Variants in SH3BGRL2 observed in about 807,000 individuals in gnomAD.
The protein encoded by SH3BGRL2 is SH3 domain-binding glutamic acid-rich-like protein 2.
Under a neutral mutation model 14.8 loss-of-function variants are expected in SH3BGRL2, and 21 were observed. The ratio of observed to expected loss-of-function variants is 1.42; its 90% confidence interval spans 1.01 to 2.05. SH3BGRL2 has a LOEUF of 2.05. SH3BGRL2 is among the 30% of genes most tolerant of loss of function. The pLI is 0.00. For missense variants in SH3BGRL2, 147 were observed against 130.8 expected (o/e 1.12, Z -0.61); for synonymous variants, 50 against 47.8 (o/e 1.05, Z -0.19).
chr6:79,540,692 C>A, the SH3BGRL2 span, among the ~76,000 whole-genome samples: 2 of 151,910 alleles, frequency 1.3e-5, no homozygotes, highest in Admixed American at 6.6e-5. Context: ...TATATACTTA[C>A]AACATAATGC....
the SH3BGRL2 span, among the ~76,000 whole-genome samples, chr6:79,571,742 G>A: frequency 6.6e-6 from 1 of 152,062 alleles, no homozygotes; most frequent in South Asian, 2.1e-4. Flanking sequence ...GTATAAAATT[G>A]TACTATATAC....
At chr6:79,615,896 A>C in the SH3BGRL2 span, among the ~76,000 whole-genome samples, 1 of 139,136 alleles carries the variant, frequency 7.2e-6, no homozygotes, top group Non-Finnish European at 1.5e-5. Context: ...GCAATGGTGC[A>C]ATCTCCGCCT....
chr6:79,692,661 G>A (rs1220882364), intron 2 of SH3BGRL2, among the ~76,000 whole-genome samples: 3 of 152,134 alleles, frequency 2.0e-5, no homozygotes, highest in African/African-American at 7.2e-5. Context: ...AAGATCAGAT[G>A]GTTGTAGATA....
chr6:79,571,092 C>A, the SH3BGRL2 span, among the ~76,000 whole-genome samples: 1 of 152,098 alleles, frequency 6.6e-6, no homozygotes, highest in Non-Finnish European at 1.5e-5. Flanking sequence ...AAAAAAGATG[C>A]TTTGTTAGTT....
chr6:79,672,028 G>T (rs1769784935), intron 1 of SH3BGRL2, among the ~76,000 whole-genome samples: 1 of 151,936 alleles, frequency 6.6e-6, no homozygotes, highest in Non-Finnish European at 1.5e-5. Context: ...TTAATCATCT[G>T]CCCTTTCTTA....
At chr6:79,648,255 C>CATATATATATATATATATATATATAT (rs60702112) in intron 1 of SH3BGRL2, among the ~76,000 whole-genome samples, 1 of 62,472 alleles carries the variant, frequency 1.6e-5, no homozygotes, top group Non-Finnish European at 2.9e-5. Context: ...ATTCTTTTGG[C>CATATATATATATATATATATATATAT]ATATATATAT....
chr6:79,681,656 A>G (rs1184093123), intron 2 of SH3BGRL2, among the ~76,000 whole-genome samples: 1 of 152,220 alleles, frequency 6.6e-6, no homozygotes, highest in African/African-American at 2.4e-5. Flanking sequence ...GCCCAAGCAC[A>G]ACTAAGTATA....
At chr6:79,584,688 A>G in the SH3BGRL2 span, among the ~76,000 whole-genome samples, 14 of 152,226 alleles carry the variant, frequency 9.2e-5, no homozygotes, top group Non-Finnish European at 1.9e-4. Flanking sequence ...GATCACATCA[A>G]ATTATCCGGA....
In SH3BGRL2 at chr6:79,631,511, G is replaced by A. The variant is rs1768823407; in HGVS notation, c.45+5G>A. ...TCTTCCTCGGGCTTCGTGGCGGTGAGCGCGGTGGGGGCGGGCAGTAGGTTG... is the reference window on the plus strand; with the variant it reads ...TCTTCCTCGGGCTTCGTGGCGGTGAACGCGGTGGGGGCGGGCAGTAGGTTG... On this transcript the variant is annotated splice_donor_5th_base_variant and intron_variant, in intron 1 of 3. Transcript: ENST00000369838. The A allele has an allele frequency of 4.1e-6, 6 of 1,465,234 alleles. No homozygotes were observed. In the South Asian group the frequency reaches 8.7e-5, roughly 21 times the overall value. 90.8% of individuals were successfully genotyped at this position (1,465,234 alleles called of 1,614,324 possible). A position where few individuals can be genotyped will look rare whatever the true frequency, so the allele number is the denominator to read the frequency against.
chr6:79,542,268 A>G, the SH3BGRL2 span, among the ~76,000 whole-genome samples: 1 of 128,334 alleles, frequency 7.8e-6, no homozygotes, highest in African/African-American at 2.8e-5. Flanking sequence ...TCTATATCCT[A>G]CTTTTTTTTT....
chr6:79,580,397 G>A, the SH3BGRL2 span, among the ~76,000 whole-genome samples: 5 of 152,158 alleles, frequency 3.3e-5, no homozygotes, highest in Non-Finnish European at 7.4e-5. Context: ...TGGAAGTAAA[G>A]CACTCCTCAG....
intron 2 of SH3BGRL2, among the ~76,000 whole-genome samples, chr6:79,683,600 CA>C (rs1269085266): frequency 4.6e-5 from 7 of 152,110 alleles, no homozygotes; most frequent in Non-Finnish European, 8.8e-5. Flanking sequence ...AGGCGCATGC[CA>C]CCATGCCTGG....
chr6:79,557,206 A>T, the SH3BGRL2 span, among the ~76,000 whole-genome samples: 1 of 151,842 alleles, frequency 6.6e-6, no homozygotes, highest in African/African-American at 2.4e-5. Flanking sequence ...AAAAATAAAA[A>T]TTTTTTACTT....
chr6:79,638,824 GTATATTTTCAATA>G (rs1768976994), intron 1 of SH3BGRL2, among the ~76,000 whole-genome samples: 1 of 151,982 alleles, frequency 6.6e-6, no homozygotes, highest in African/African-American at 2.4e-5. Context: ...TGGGTTCCTT[GTATATTTTCAATA>G]TTAATCTCCT....
chr6:79,546,449 C>G, the SH3BGRL2 span, among the ~76,000 whole-genome samples: 1 of 152,084 alleles, frequency 6.6e-6, no homozygotes. Context: ...CATAACCAAC[C>G]TTACTGCCAG....
At chr6:79,668,968 C>A (rs1439876687) in intron 1 of SH3BGRL2, among the ~76,000 whole-genome samples, 1 of 152,170 alleles carries the variant, frequency 6.6e-6, no homozygotes, top group Non-Finnish European at 1.5e-5. Flanking sequence ...TTGAGAAATA[C>A]TGTCATTTGA....
At chr6:79,694,964 T>G (rs1290103104) in intron 2 of SH3BGRL2, among the ~76,000 whole-genome samples, 1 of 152,152 alleles carries the variant, frequency 6.6e-6, no homozygotes, top group East Asian at 1.9e-4. Context: ...ACTAGATCAT[T>G]TTGCTCCCTT....
chr6:79,623,397 C>A, the SH3BGRL2 span, among the ~76,000 whole-genome samples: 1 of 152,018 alleles, frequency 6.6e-6, no homozygotes, highest in African/African-American at 2.4e-5. Context: ...TCATAAACTT[C>A]ATGATACCTG....
At chr6:79,600,318 G>T in the SH3BGRL2 span, among the ~76,000 whole-genome samples, 1 of 152,018 alleles carries the variant, frequency 6.6e-6, no homozygotes, top group African/African-American at 2.4e-5. Context: ...CCAGATAATT[G>T]CCATTCACCC....
Sources: allele counts gnomAD v4.1 joint callset (sites outside exome capture counted in the v4.1 genomes callset), GRCh38; gene constraint gnomAD v4.1.1; transcripts MANE v1.5; gene names NCBI Gene and HGNC (gene_info 2026-07-23, HGNC 2026-07-21).